IREB2: variants seen among roughly 807,000 people sequenced by gnomAD.
IREB2 encodes the protein iron-responsive element-binding protein 2.
IREB2 carries 39 observed loss-of-function variants against 118.8 expected under a neutral mutation model. The ratio of observed to expected loss-of-function variants is 0.33; its 90% CI spans 0.25 to 0.43. The LOEUF is 0.43. IREB2 is among the 20% of genes least tolerant of loss of function. The pLI, the probability that IREB2 is intolerant of heterozygous loss-of-function variation, is 1.00. For missense variants in IREB2, 900 were observed against 1,147.3 expected (o/e 0.78, Z 3.11); for synonymous variants, 372 against 392.2 (o/e 0.95, Z 0.61).
chr15:78,490,017 T>C (rs2051722779), intron 16 of IREB2, among the ~76,000 whole-genome samples: 2 of 152,226 alleles, frequency 1.3e-5, no homozygotes, highest in Non-Finnish European at 2.9e-5. Context: ...GTTCTGTTTA[T>C]ATTGAAACTT....
At chr15:78,458,783 A>G (rs2051147743) in intron 2 of IREB2, among the ~76,000 whole-genome samples, 1 of 152,208 alleles carries the variant, frequency 6.6e-6, no homozygotes, top group Non-Finnish European at 1.5e-5. Context: ...GTGCTGGAAC[A>G]TACTAGAAAA....
Position 78,476,283 on chromosome 15 carries a change from CAT to C in IREB2, c.1120_1121del (p.Met374ValfsTer14), listed in dbSNP as rs2051469130. On this transcript the variant is annotated frameshift_variant, in exon 9 of 22. Transcript: ENST00000258886. LOFTEE classifies it high-confidence loss of function. ...TAGTTGATCGAACTACAATAGCAAA[CAT>C]GTGTCCGGAATATGGTGCTATCCTC... ...SIVDRTTIANMCPEYGAILSF... is the reference protein window; with the variant it reads ...SIVDRTTIANXCPEYGAILSF... 4.3e-6 allele frequency: 7 copies of C among 1,609,770 alleles called. No individual in the cohort carries two copies. The highest frequency in any genetic ancestry group is 5.1e-6 in the Non-Finnish European group (6 of 1,176,748).
chr15:78,443,765 G>A (rs2050883032), intron 2 of IREB2, among the ~76,000 whole-genome samples: 1 of 151,980 alleles, frequency 6.6e-6, no homozygotes, highest in Admixed American at 6.5e-5. Context: ...TCGTGCCTCA[G>A]CCTCCCAAGT....
At chr15:78,437,951 G>A (rs1184414660), upstream of IREB2, among the ~76,000 whole-genome samples, 1 of 152,220 alleles carries the variant, frequency 6.6e-6, no homozygotes, top group South Asian at 2.1e-4. Flanking sequence ...TCGAATTCAT[G>A]ACCCCAATAG....
chr15:78,488,153 TTGTTTGTG>T lies in IREB2; in HGVS notation c.1795-17_1795-10del. 1 of 1,588,744 alleles carries T rather than the reference TTGTTTGTG, an allele frequency of 6.3e-7. No homozygotes were observed. Among genetic ancestry groups the T allele is most frequent in the Non-Finnish European group, 8.6e-7 (1 of 1,169,376 alleles). Reference sequence around the variant, plus strand: ...GTACCATCTCTAGAATTGAATTTATTTGTTTGTGTGTTTGTGTTTTTTTCAGGGTGATT... The same window carrying T: ...GTACCATCTCTAGAATTGAATTTATTTGTTTGTGTTTTTTTCAGGGTGATT... On this transcript the variant is annotated intron_variant, in intron 14 of 21. Transcript: ENST00000258886.
intron 12 of IREB2, 39 bp from the exon 13 acceptor site, chr15:78,485,666 A>G: frequency 6.3e-7 from 1 of 1,599,092 alleles, no homozygotes; most frequent in Non-Finnish European, 8.5e-7. Context: ...GAGGGAAAGA[A>G]ACATTGCCAT....
intron 2 of IREB2, among the ~76,000 whole-genome samples, chr15:78,460,619 C>G (rs2051180860): frequency 6.6e-6 from 1 of 152,146 alleles, no homozygotes; most frequent in African/African-American, 2.4e-5. Context: ...CTCTGAAAAA[C>G]TGTTCTGTTG....
chr15:78,465,228 T>G (rs1340456632), intron 3 of IREB2, 23 bp from the exon 4 acceptor site: 1 of 1,588,612 alleles, frequency 6.3e-7, no homozygotes. Flanking sequence ...TGGACTATAA[T>G]TTGACCATTC....
upstream of IREB2, chr15:78,438,046 C>T (rs1260052683): frequency 1.0e-5 from 5 of 483,660 alleles, no homozygotes; most frequent in African/African-American, 9.8e-5. Flanking sequence ...CTCCCCAGCG[C>T]TCCGCCCCCG....
rs1337679969 is a variant in IREB2 at position 78,498,233 on chromosome 15, G to A, written c.*90G>A. The A allele has an allele frequency of 7.2e-6, 5 of 694,664 alleles. No individual in the cohort carries two copies. The highest frequency in any genetic ancestry group is 2.4e-4 in the Middle Eastern group (1 of 4,086). 43.0% of individuals were successfully genotyped at this position (694,664 alleles called of 1,614,324 possible). ...AATCCTTACCATGGAGCAGCAGATA[G>A]TCCCAGTATACTCACTTATCTCATC... On this transcript the variant is annotated 3_prime_UTR_variant, in exon 22 of 22. Coordinates refer to ENST00000258886, the MANE Select transcript of IREB2 (RefSeq NM_004136.4).
Position 78,485,803 on chromosome 15 carries a change from A to G in IREB2, c.1672A>G (p.Ser558Gly). Residue 558 changes from serine (S) to glycine (G), a missense_variant, in exon 13 of 22, where the codon AGT becomes GGT. Coordinates refer to ENST00000258886, the MANE Select transcript of IREB2 (RefSeq NM_004136.4). ...CAGTGGGATGGTTACACATTACCTC[A>G]GTTCAAGTGGAGTATTACCATATCT... is the stretch of plus-strand genomic sequence containing the variant. ...PGSGMVTHYL[S>G]SSGVLPYLSK... The G allele has an allele frequency of 3.1e-6, 5 of 1,613,888 alleles. No individual in the cohort carries two copies. Among genetic ancestry groups the G allele is most frequent in the Non-Finnish European group, 4.2e-6 (5 of 1,179,776 alleles).
chr15:78,487,898 A>T, intron 14 of IREB2, 81 bp downstream of exon 14: 1 of 889,566 alleles, frequency 1.1e-6, no homozygotes, highest in Non-Finnish European at 1.8e-6. Flanking sequence ...ATATATATTG[A>T]TGTGTTTATA....
At chr15:78,469,915 TA>T (rs1328046868) in intron 5 of IREB2, among the ~76,000 whole-genome samples, 4 of 152,358 alleles carry the variant, frequency 2.6e-5, no homozygotes, top group Admixed American at 2.0e-4. Flanking sequence ...AATAATTTTT[TA>T]AAAATGATAC....
chr15:78,453,379 A>G (rs1041086653), intron 2 of IREB2, among the ~76,000 whole-genome samples: 1 of 151,864 alleles, frequency 6.6e-6, no homozygotes, highest in Non-Finnish European at 1.5e-5. Context: ...AATAATATTG[A>G]TTAGGGCTAA....
In IREB2 at chr15:78,483,210, A is replaced by C. The variant is rs79939483; in HGVS notation, c.1297-108A>C. 3.8e-4 allele frequency: 215 copies of C among 566,424 alleles called. 1 individual carries two copies. In the East Asian group the frequency reaches 6.0e-3, roughly 16 times the overall value. 35.1% of individuals were successfully genotyped at this position (566,424 alleles called of 1,614,324 possible). A position where few individuals can be genotyped will look rare whatever the true frequency, so the allele number is the denominator to read the frequency against. On this transcript the variant is annotated intron_variant, in intron 10 of 21. Coordinates refer to ENST00000258886, the MANE Select transcript of IREB2 (RefSeq NM_004136.4). The stretch of plus-strand genomic sequence containing the variant: ...TATACTATTAAAATAAATTGCATTA[A>C]AATAAATACGAATATACTTACTCTG...
At chr15:78,452,292 G>A (rs1316572791) in intron 2 of IREB2, among the ~76,000 whole-genome samples, 1 of 152,168 alleles carries the variant, frequency 6.6e-6, no homozygotes, top group African/African-American at 2.4e-5. Context: ...AAGGGGCAGA[G>A]GGGAAATCAC....
intron 2 of IREB2, among the ~76,000 whole-genome samples, chr15:78,457,466 G>A (rs113424099): frequency 7.2e-5 from 11 of 151,896 alleles, no homozygotes; most frequent in African/African-American, 2.7e-4. Flanking sequence ...TTGAGACCTT[G>A]CTTGATTAAT....
At chr15:78,496,211 T>C (rs1041680792) in intron 20 of IREB2, among the ~76,000 whole-genome samples, 15 of 152,216 alleles carry the variant, frequency 9.9e-5, no homozygotes, top group African/African-American at 3.1e-4. Flanking sequence ...TTCATAGAAT[T>C]CTCTCATCCT....
At position 78,483,434 on chromosome 15, in the gene IREB2, G is replaced by A. The variant is rs1001060279; in HGVS notation, c.1413G>A (p.Lys471=). The A allele has an allele frequency of 4.7e-6, 7 of 1,504,426 alleles. No homozygotes were observed. The Admixed American group carries it at 5.0e-5, about 11-fold the overall frequency. 93.2% of individuals were successfully genotyped at this position (1,504,426 alleles called of 1,614,324 possible). Residue 471 remains lysine (K), a splice_region_variant and synonymous_variant, in exon 11 of 22, where the codon AAG becomes AAA. Transcript: ENST00000258886. The stretch of plus-strand genomic sequence containing the variant: ...ATTTCCAGGCTTGCTTAAATGAAAA[G>A]GTAGGTTACTTTATTCTTATCCGTG... The part of the protein sequence containing the change: ...KSDFQACLNE[K]VGFKGFQIAA...
Sources: allele counts gnomAD v4.1 joint callset (sites outside exome capture counted in the v4.1 genomes callset), GRCh38; gene constraint gnomAD v4.1.1; transcripts MANE v1.5; gene names NCBI Gene and HGNC (gene_info 2026-07-23, HGNC 2026-07-21).